ARHGEF10L: variants seen among roughly 807,000 people sequenced by gnomAD.
The protein encoded by ARHGEF10L is rho guanine nucleotide exchange factor 10-like protein.
A neutral mutation model predicts 141.2 loss-of-function variants in ARHGEF10L; 69 were observed. The observed-to-expected ratio is 0.49, with a 90% CI of 0.40 to 0.60. The LOEUF (loss-of-function observed/expected upper bound fraction) is 0.60. ARHGEF10L is among the 20% of genes least tolerant of loss of function. ARHGEF10L has a pLI of 0.00. For synonymous variants in ARHGEF10L, 711 were observed against 718.5 expected (o/e 0.99, Z 0.17); for missense variants, 1,482 against 1,734.3 (o/e 0.85, Z 2.58).
chr1:17,577,417 C>T (rs1404671874), intron 1 of ARHGEF10L, among the ~76,000 whole-genome samples: 1 of 152,192 alleles, frequency 6.6e-6, no homozygotes, highest in African/African-American at 2.4e-5. Flanking sequence ...TTAACTCATC[C>T]AAGGTCTCAT....
chr1:17,620,797 C>T (rs1409027125), intron 10 of ARHGEF10L, among the ~76,000 whole-genome samples: 3 of 152,194 alleles, frequency 2.0e-5, no homozygotes, highest in Non-Finnish European at 2.9e-5. Context: ...ACCCCTGTCA[C>T]ATGTGACACC....
chr1:17,629,676 C>T (rs1051162108), intron 15 of ARHGEF10L, among the ~76,000 whole-genome samples: 2 of 152,182 alleles, frequency 1.3e-5, no homozygotes, highest in Non-Finnish European at 2.9e-5. Flanking sequence ...TCACTCTCCA[C>T]CCCCTGGTTC....
At chr1:17,572,898 A>G (rs565183025) in intron 1 of ARHGEF10L, among the ~76,000 whole-genome samples, 2 of 152,152 alleles carry the variant, frequency 1.3e-5, no homozygotes, top group Non-Finnish European at 2.9e-5. Context: ...GGCCCCCTGG[A>G]GGCTTTAGTT....
chr1:17,611,554 A>G (rs569167737), intron 7 of ARHGEF10L, among the ~76,000 whole-genome samples: 4 of 152,070 alleles, frequency 2.6e-5, no homozygotes, highest in Admixed American at 6.5e-5. Context: ...CCATCCATCC[A>G]TCCATCCATC....
At chr1:17,659,531 C>T (rs76306650) in intron 25 of ARHGEF10L, among the ~76,000 whole-genome samples, 1 of 152,198 alleles carries the variant, frequency 6.6e-6, no homozygotes, top group Non-Finnish European at 1.5e-5. Context: ...CAGATACCCC[C>T]ACCCATCCCA....
the ARHGEF10L span, among the ~76,000 whole-genome samples, chr1:17,526,072 A>C: frequency 6.7e-6 from 1 of 149,830 alleles, no homozygotes; most frequent in Admixed American, 6.7e-5. Flanking sequence ...TAACTCCCCC[A>C]CTCCCCATCT....
At chr1:17,606,647 A>G (rs2081206557) in intron 6 of ARHGEF10L, among the ~76,000 whole-genome samples, 1 of 151,002 alleles carries the variant, frequency 6.6e-6, no homozygotes, top group Non-Finnish European at 1.5e-5. Context: ...AACCCTTCCC[A>G]ATGCTATATT....
At chr1:17,525,531 C>T in the ARHGEF10L span, among the ~76,000 whole-genome samples, 9 of 152,226 alleles carry the variant, frequency 5.9e-5, no homozygotes, top group South Asian at 4.2e-4. Flanking sequence ...TGGTGGCACA[C>T]GCCTGTGGTC....
rs1378554738 is a variant in ARHGEF10L at position 17,644,395 on chromosome 1, C to A, written c.2272+4093C>A. On this transcript the variant is annotated intron_variant, in intron 21 of 28. Coordinates refer to ENST00000361221, the MANE Select transcript of ARHGEF10L (RefSeq NM_018125.4). The surrounding 1 kb of genome is among the most constrained non-coding windows in gnomAD (Gnocchi z 4.5). ...GGCTGGTGCTGGGATCTGCCCACAC[C>A]CTGCAGCTGGAAGGGATGGGTCTCC... is the stretch of plus-strand genomic sequence containing the variant. Among the ~76,000 whole-genome samples, 2 of 152,226 alleles carry A rather than the reference C, an allele frequency of 1.3e-5. No homozygotes were observed. The highest frequency in any genetic ancestry group is 2.4e-5 in the African/African-American group (1 of 41,462).
the ARHGEF10L span, among the ~76,000 whole-genome samples, chr1:17,534,145 C>G: frequency 1.3e-4 from 20 of 151,306 alleles, no homozygotes; most frequent in East Asian, 3.9e-3. Context: ...TTTTTTGAGA[C>G]GGAGTCTCAC....
chr1:17,592,165 C>T (rs1003359159), intron 4 of ARHGEF10L, among the ~76,000 whole-genome samples: 8 of 152,214 alleles, frequency 5.3e-5, no homozygotes, highest in East Asian at 1.9e-4. Flanking sequence ...CGCCACAGAT[C>T]GCTGGCTTCC....
intron 1 of ARHGEF10L, among the ~76,000 whole-genome samples, chr1:17,562,657 T>G (rs2077587980): frequency 6.6e-6 from 1 of 152,210 alleles, no homozygotes; most frequent in Non-Finnish European, 1.5e-5. Flanking sequence ...GGAGGCTGCT[T>G]CTGCTGGTAC....
At chr1:17,589,704 C>T (rs1382830699) in intron 4 of ARHGEF10L, among the ~76,000 whole-genome samples, 2 of 152,174 alleles carry the variant, frequency 1.3e-5, no homozygotes. Flanking sequence ...AATGAATCAG[C>T]AGCCATTCGT....
chr1:17,696,259 T>G (rs942777532), intron 28 of ARHGEF10L, among the ~76,000 whole-genome samples: 7 of 151,986 alleles, frequency 4.6e-5, no homozygotes, highest in Admixed American at 2.6e-4. Context: ...TTTTCTATTT[T>G]CAAGGTTTCA....
chr1:17,602,332 A>C (rs2080765002), intron 5 of ARHGEF10L, 114 bp downstream of exon 5: 1 of 1,253,820 alleles, frequency 8.0e-7, no homozygotes. Context: ...GTTCATCCTC[A>C]CCGGGGGCTT....
In ARHGEF10L at chr1:17,697,751, C is replaced by A; in HGVS notation, c.*371C>A. 2.1e-6 allele frequency: 1 copy of A among 470,866 alleles called. No homozygotes were observed. Among genetic ancestry groups the A allele is most frequent in the South Asian group, 1.6e-5 (1 of 63,142 alleles). 29.2% of individuals were successfully genotyped at this position (470,866 alleles called of 1,614,324 possible). On this transcript the variant is annotated 3_prime_UTR_variant, in exon 29 of 29. Transcript: ENST00000361221. This position sits in a 1 kb window ranked among gnomAD's most constrained non-coding sequence, Gnocchi z 4.8. ...GTGTGAGTGTGTGCGAGTGTGTGGG[C>A]TGGTGTGTGAATATCTATAAATAAG...
chr1:17,531,631 G>A, the ARHGEF10L span, among the ~76,000 whole-genome samples: 2 of 152,194 alleles, frequency 1.3e-5, no homozygotes, highest in African/African-American at 2.4e-5. Context: ...CTCTGTAAAC[G>A]GGAGAGATGG....
At chr1:17,523,291 G>A in the ARHGEF10L span, among the ~76,000 whole-genome samples, 1 of 152,022 alleles carries the variant, frequency 6.6e-6, no homozygotes, top group African/African-American at 2.4e-5. Flanking sequence ...GTTTCACCAT[G>A]TTGGCCAGGC....
the ARHGEF10L span, among the ~76,000 whole-genome samples, chr1:17,534,608 G>A: frequency 8.4e-6 from 1 of 119,552 alleles, no homozygotes; most frequent in Non-Finnish European, 1.7e-5. Flanking sequence ...TTTTTTTTTT[G>A]AGAAGGAGTC....
Sources: gnomAD v4.1 joint callset for allele counts (sites outside exome capture counted in the v4.1 genomes callset) on GRCh38, gnomAD v4.1.1 for gene constraint, Gnocchi (gnomAD v3.1) non-coding constraint, MANE v1.5 for transcripts, NCBI Gene and HGNC (gene_info 2026-07-23, HGNC 2026-07-21) for gene names.